The following ARHGAP25 variants were observed in gnomAD, a reference collection of about 807,000 sequenced individuals.
ARHGAP25 encodes the protein Rho GTPase activating protein 25, also known as rho GTPase-activating protein 25.
In ARHGAP25, 34 loss-of-function variants were observed where a neutral mutation model predicts 71.0. The observed-to-expected ratio is 0.48, with a 90% CI of 0.36 to 0.64. The LOEUF is 0.64. ARHGAP25 is among the 30% of genes least tolerant of loss of function. The pLI, the probability that ARHGAP25 is intolerant of heterozygous loss-of-function variation, is 0.00. For synonymous variants in ARHGAP25, 282 were observed against 296.5 expected (o/e 0.95, Z 0.50); for missense variants, 706 against 805.1 (o/e 0.88, Z 1.49).
intron 1 of ARHGAP25, among the ~76,000 whole-genome samples, chr2:68,740,864 G>A (rs899464651): frequency 1.3e-5 from 2 of 152,324 alleles, no homozygotes; most frequent in East Asian, 3.9e-4. Context: ...AAAGAAAGGG[G>A]CTAAATTGTC....
intron 4 of ARHGAP25, among the ~76,000 whole-genome samples, chr2:68,806,485 A>G (rs1680370566): frequency 3.3e-5 from 5 of 152,158 alleles, no homozygotes; most frequent in African/African-American, 1.2e-4. Flanking sequence ...GTAGTACTGA[A>G]CCCTATACAC....
At chr2:68,766,561 G>C (rs997234664) in intron 1 of ARHGAP25, among the ~76,000 whole-genome samples, 3 of 152,174 alleles carry the variant, frequency 2.0e-5, no homozygotes, top group Non-Finnish European at 4.4e-5. Flanking sequence ...CACAAAACAT[G>C]AACACTGGAG....
At chr2:68,789,482 A>G (rs1478317461) in intron 4 of ARHGAP25, among the ~76,000 whole-genome samples, 4 of 152,228 alleles carry the variant, frequency 2.6e-5, no homozygotes, top group Non-Finnish European at 4.4e-5. Context: ...AAGAGGTTTT[A>G]TAAGAGTCTG....
chr2:68,802,066 T>G (rs527391674), intron 4 of ARHGAP25, among the ~76,000 whole-genome samples: 1 of 152,142 alleles, frequency 6.6e-6, no homozygotes, highest in African/African-American at 2.4e-5. Flanking sequence ...ATTATAACGA[T>G]ATAGGCAGCA....
chr2:68,763,938 T>C (rs1245258908), intron 1 of ARHGAP25, among the ~76,000 whole-genome samples: 1 of 152,174 alleles, frequency 6.6e-6, no homozygotes, highest in Non-Finnish European at 1.5e-5. Flanking sequence ...ATTCAATGAT[T>C]TTTAGTAAAT....
chr2:68,714,835 A>G (rs1469078592), intron 2 of ARHGAP25, among the ~76,000 whole-genome samples: 1 of 152,218 alleles, frequency 6.6e-6, no homozygotes, highest in East Asian at 1.9e-4. Context: ...ATTCCTTAGT[A>G]GAAAAAAAAT....
intron 2 of ARHGAP25, among the ~76,000 whole-genome samples, chr2:68,724,392 C>T (rs1464807985): frequency 6.6e-6 from 1 of 152,196 alleles, no homozygotes; most frequent in Non-Finnish European, 1.5e-5. Context: ...CAAAACCTCT[C>T]TCATACTAGC....
intron 2 of ARHGAP25, among the ~76,000 whole-genome samples, chr2:68,721,326 G>A (rs1450415066): frequency 1.3e-5 from 2 of 152,118 alleles, no homozygotes; most frequent in Non-Finnish European, 2.9e-5. Context: ...TGAGCATTAG[G>A]TTTGCAACAA....
chr2:68,725,714 A>G (rs113142573), intron 2 of ARHGAP25, among the ~76,000 whole-genome samples: 1 of 152,178 alleles, frequency 6.6e-6, no homozygotes, highest in Non-Finnish European at 1.5e-5. Flanking sequence ...GCAAAGTCCT[A>G]TGAAGCCCCA....
chr2:68,769,940 G>A (rs555329538), intron 1 of ARHGAP25, among the ~76,000 whole-genome samples: 85 of 152,304 alleles, frequency 5.6e-4, no homozygotes, highest in African/African-American at 1.1e-3. Flanking sequence ...AGACTTCATC[G>A]TTTAGGAGGG....
intron 5 of ARHGAP25, among the ~76,000 whole-genome samples, chr2:68,808,197 C>T (rs1374829926): frequency 6.6e-6 from 1 of 152,182 alleles, no homozygotes; most frequent in Non-Finnish European, 1.5e-5. Flanking sequence ...GCAATCTCCA[C>T]CCCAGTTGCC....
At chr2:68,817,314 T>C (rs1413018003) in intron 7 of ARHGAP25, among the ~76,000 whole-genome samples, 1 of 152,220 alleles carries the variant, frequency 6.6e-6, no homozygotes, top group East Asian at 1.9e-4. Flanking sequence ...TCCCTGTTTT[T>C]ACAGTGAATC....
At chr2:68,801,555 G>C (rs77513266) in intron 4 of ARHGAP25, among the ~76,000 whole-genome samples, 6,539 of 152,244 alleles carry the variant, frequency 0.043, 472 homozygotes, top group African/African-American at 0.15. Flanking sequence ...TGGTCTCCTT[G>C]ACAAGAATAG....
chr2:68,735,585 C>G (rs1675171887), intron 1 of ARHGAP25: 6 of 410,890 alleles, frequency 1.5e-5, no homozygotes, highest in Non-Finnish European at 1.3e-5. Context: ...GGAAACTCAT[C>G]CATATTTTGA....
At chr2:68,776,686 A>C (rs551856233) in intron 2 of ARHGAP25, among the ~76,000 whole-genome samples, 12 of 152,308 alleles carry the variant, frequency 7.9e-5, no homozygotes, top group African/African-American at 2.9e-4. Flanking sequence ...CCCCAGGTGC[A>C]AACTGGATGT....
At chr2:68,722,577 G>GA (rs111862772) in intron 2 of ARHGAP25, among the ~76,000 whole-genome samples, 80,654 of 137,444 alleles carry the variant, frequency 0.59, 23,673 homozygotes, top group East Asian at 0.81. Flanking sequence ...GACCCTGTCT[G>GA]AAAAAAAAAA....
intron 4 of ARHGAP25, among the ~76,000 whole-genome samples, chr2:68,794,031 T>C (rs536269617): frequency 2.2e-4 from 34 of 152,178 alleles, no homozygotes; most frequent in Non-Finnish European, 4.7e-4. Context: ...TCTATAGCTA[T>C]TGTAAATCAG....
upstream of ARHGAP25, among the ~76,000 whole-genome samples, chr2:68,731,923 G>A (rs1043657829): frequency 6.6e-6 from 1 of 152,160 alleles, no homozygotes. Flanking sequence ...AACAGCCGGT[G>A]TCAGGGCGGT....
chr2:68,718,695 G>A (rs542017028), intron 2 of ARHGAP25, among the ~76,000 whole-genome samples: 3 of 152,094 alleles, frequency 2.0e-5, no homozygotes, highest in East Asian at 1.9e-4. Flanking sequence ...TAAGTGGTAC[G>A]GGTACTAGCA....
Sources: allele counts gnomAD v4.1 joint callset (sites outside exome capture counted in the v4.1 genomes callset), GRCh38; gene constraint gnomAD v4.1.1; transcripts MANE v1.5; gene names NCBI Gene and HGNC (gene_info 2026-07-23, HGNC 2026-07-21).